Variants in ADAM20 observed in about 807,000 individuals in gnomAD.
ADAM20 encodes the protein ADAM metallopeptidase domain 20.
For missense variants in ADAM20, 871 were observed against 883.2 expected, an observed-to-expected ratio of 0.99 and a Z score of 0.18; for synonymous variants, 305 against 310.2, an observed-to-expected ratio of 0.98 and a Z score of 0.18.
At chr14:70,558,288 G>A in the ADAM20 span, among the ~76,000 whole-genome samples, 2 of 152,220 alleles carry the variant, frequency 1.3e-5, no homozygotes, top group Non-Finnish European at 2.9e-5. Flanking sequence ...AGGATCTCCA[G>A]TGAAGTAGTT....
intron 1 of ADAM20, among the ~76,000 whole-genome samples, chr14:70,529,215 A>G (rs535746703): frequency 6.6e-6 from 1 of 152,180 alleles, no homozygotes; most frequent in Non-Finnish European, 1.5e-5. Context: ...CATTCTACCC[A>G]ACACATCAGA....
the ADAM20 span, among the ~76,000 whole-genome samples, chr14:70,540,185 C>T: frequency 2.0e-5 from 3 of 152,114 alleles, no homozygotes; most frequent in Admixed American, 1.3e-4. Context: ...GGCCCCTAGC[C>T]CTGTTCTTAA....
At chr14:70,557,891 G>T in the ADAM20 span, among the ~76,000 whole-genome samples, 6 of 152,106 alleles carry the variant, frequency 3.9e-5, no homozygotes, top group East Asian at 1.2e-3. Flanking sequence ...ATGATCAAAG[G>T]CAGATTTTCT....
the ADAM20 span, among the ~76,000 whole-genome samples, chr14:70,577,770 T>C: frequency 6.6e-6 from 1 of 152,194 alleles, no homozygotes; most frequent in Non-Finnish European, 1.5e-5. Flanking sequence ...GTGCCAAGAC[T>C]ATTCAATGGA....
the ADAM20 span, among the ~76,000 whole-genome samples, chr14:70,567,843 CAG>C: frequency 7.9e-5 from 12 of 152,094 alleles, no homozygotes. Flanking sequence ...AGCTTTGCAA[CAG>C]GGGCAAGATA....
At chr14:70,577,103 G>A in the ADAM20 span, among the ~76,000 whole-genome samples, 2 of 152,180 alleles carry the variant, frequency 1.3e-5, no homozygotes, top group African/African-American at 4.8e-5. Context: ...CTCTTTCATG[G>A]AAGAGAATAT....
chr14:70,533,764 TA>T (rs76438186), intron 1 of ADAM20, among the ~76,000 whole-genome samples: 57 of 142,884 alleles, frequency 4.0e-4, no homozygotes, highest in Middle Eastern at 3.5e-3. Flanking sequence ...ACTTAAAATT[TA>T]AAAAAAAAAA....
the ADAM20 span, among the ~76,000 whole-genome samples, chr14:70,544,807 T>C: frequency 6.6e-6 from 1 of 152,118 alleles, no homozygotes; most frequent in Non-Finnish European, 1.5e-5. Context: ...ATCCCATAAA[T>C]ATGTATAGTC....
intron 1 of ADAM20, among the ~76,000 whole-genome samples, chr14:70,531,510 G>A (rs377600595): frequency 6.6e-6 from 1 of 152,048 alleles, no homozygotes; most frequent in Non-Finnish European, 1.5e-5. Flanking sequence ...CCTAGCCAGA[G>A]AAATTAGACA....
rs1157659091 is a variant in ADAM20 at position 70,522,844 on chromosome 14, C to G, written c.1914G>C (p.Lys638Asn). The G allele has an allele frequency of 5.6e-6, 9 of 1,614,040 alleles. No homozygotes were observed. Among genetic ancestry groups the G allele is most frequent in the Admixed American group, 1.7e-5 (1 of 60,010 alleles). Residue 638 changes from lysine to asparagine, a missense_variant, in exon 2 of 2, where the codon AAG (lysine) becomes AAC (asparagine). Physicochemically the swap from Lys to Asn is moderately conservative, Grantham distance 94. Transcript: ENST00000256389. ...TGCAGATTCCCCTCATGTTGCAGGT[C>G]TTAGGCTGACAGGCTTGTGACAGAT... ...MVHLSQACQPKTCNMRGICNN... is the reference protein window; with the variant it reads ...MVHLSQACQPNTCNMRGICNN...
chr14:70,524,200 C>T lies in ADAM20; in HGVS notation c.558G>A (p.Leu186=), dbSNP rs749282323. The change falls in exon 2 of 2, where the codon TTG becomes TTA. Residue 186 remains leucine (L), a synonymous_variant. Coordinates refer to ENST00000256389, the MANE Select transcript of ADAM20 (RefSeq NM_003814.5). The part of the protein sequence containing the change: ...TEEKIAHQME[L]QLSYNFTLKQ... ...TCAGAGTGAAATTATATGACAATTG[C>T]AACTCCATCTGGTGTGCTATTTTCT... 1 of 1,613,778 alleles carries T rather than the reference C, an allele frequency of 6.2e-7. No individual in the cohort carries two copies. The highest frequency in any genetic ancestry group is 8.5e-7 in the Non-Finnish European group (1 of 1,179,926).
chr14:70,556,910 T>C, the ADAM20 span: 1 of 152,166 alleles, frequency 6.6e-6, no homozygotes, highest in Non-Finnish European at 1.5e-5. Flanking sequence ...TAGGACACTT[T>C]GTGGTCTACA....
chr14:70,540,893 A>G, the ADAM20 span, among the ~76,000 whole-genome samples: 1 of 152,184 alleles, frequency 6.6e-6, no homozygotes, highest in Non-Finnish European at 1.5e-5. Context: ...CCCGGGTTCA[A>G]GAGATTCTCT....
At chr14:70,569,842 C>T in the ADAM20 span, among the ~76,000 whole-genome samples, 6 of 136,902 alleles carry the variant, frequency 4.4e-5, no homozygotes, top group Non-Finnish European at 9.2e-5. Flanking sequence ...GACTTCACTA[C>T]CCCACTGACA....
At chr14:70,542,919 A>G in the ADAM20 span, among the ~76,000 whole-genome samples, 6 of 151,920 alleles carry the variant, frequency 3.9e-5, no homozygotes, top group African/African-American at 7.3e-5. Context: ...AGCCTAGGGG[A>G]CAGAGCAAGA....
At chr14:70,554,937 G>A in the ADAM20 span, among the ~76,000 whole-genome samples, 1 of 152,186 alleles carries the variant, frequency 6.6e-6, no homozygotes, top group South Asian at 2.1e-4. Context: ...GGGGCTCAAA[G>A]GCGTCGTGAC....
At position 70,524,874 on chromosome 14, in the gene ADAM20, T is replaced by A; in HGVS notation, c.-117A>T. 11 of 1,612,166 alleles carry A rather than the reference T, an allele frequency of 6.8e-6. No individual in the cohort carries two copies. The highest frequency in any genetic ancestry group is 9.3e-6 in the Non-Finnish European group (11 of 1,179,584). On this transcript the variant is annotated 5_prime_UTR_variant, in exon 2 of 2. Coordinates refer to ENST00000256389, the MANE Select transcript of ADAM20 (RefSeq NM_003814.5). ...AGGGTGCATGGCTGACCTTTAGGGA[T>A]CTGGGGATCTGTGTCCTGGTGGAGC...
chr14:70,538,171 A>C (rs373015979), upstream of ADAM20, among the ~76,000 whole-genome samples: 1 of 151,834 alleles, frequency 6.6e-6, no homozygotes, highest in African/African-American at 2.4e-5. Context: ...CTCAGCCCCA[A>C]ATCCCACTCC....
chr14:70,537,999 T>C (rs1407417588), upstream of ADAM20, among the ~76,000 whole-genome samples: 1 of 152,120 alleles, frequency 6.6e-6, no homozygotes, highest in Non-Finnish European at 1.5e-5. Flanking sequence ...AAACCCTCCC[T>C]GGGTCTCTCC....
Sources: gnomAD v4.1 joint callset for allele counts (sites outside exome capture counted in the v4.1 genomes callset) on GRCh38, gnomAD v4.1.1 for gene constraint, MANE v1.5 for transcripts, NCBI Gene and HGNC (gene_info 2026-07-23, HGNC 2026-07-21) for gene names.